The following PVT1 variants were observed in gnomAD, a reference collection of about 807,000 sequenced individuals.
PVT1 encodes the protein CXCR4/PVT1 fusion.
chr8:127,861,282 TCAAA>T (rs1815225322), intron 2 of PVT1, among the ~76,000 whole-genome samples: 1 of 152,174 alleles, frequency 6.6e-6, no homozygotes, highest in Non-Finnish European at 1.5e-5. Context: ...GAGCCACTTC[TCAAA>T]CAGGTCGATG....
At chr8:128,040,418 C>T (rs1040632427) in intron 4 of PVT1, among the ~76,000 whole-genome samples, 4 of 152,214 alleles carry the variant, frequency 2.6e-5, no homozygotes, top group South Asian at 2.1e-4. Context: ...ACTTGCCAGC[C>T]CCCATAATCA....
intron 3 of PVT1, among the ~76,000 whole-genome samples, chr8:127,949,250 A>T (rs1004057215): frequency 6.6e-6 from 1 of 152,118 alleles, no homozygotes; most frequent in African/African-American, 2.4e-5. Context: ...AGCTGTTGTT[A>T]CAATAAGACT....
chr8:127,914,912 A>C (rs1038747053), intron 3 of PVT1, among the ~76,000 whole-genome samples: 3 of 143,520 alleles, frequency 2.1e-5, no homozygotes, highest in African/African-American at 7.9e-5. Flanking sequence ...TGCAACCTCC[A>C]CCTCCTGTGT....
At chr8:127,868,633 A>G (rs979442826) in intron 2 of PVT1, among the ~76,000 whole-genome samples, 1 of 149,964 alleles carries the variant, frequency 6.7e-6, no homozygotes, top group Non-Finnish European at 1.5e-5. Flanking sequence ...CAGGTTATCC[A>G]CCCTCAGATT....
At chr8:127,902,081 A>G (rs555312652) in intron 3 of PVT1, among the ~76,000 whole-genome samples, 2 of 152,188 alleles carry the variant, frequency 1.3e-5, no homozygotes, top group Admixed American at 6.5e-5. Context: ...TTGGTGGTTG[A>G]AAGAGAGCCC....
In PVT1 at chr8:127,815,244, G is replaced by A. The variant is rs147538821; in HGVS notation, n.372+19173G>A. Among the ~76,000 whole-genome samples, 4 of 152,336 alleles carry A rather than the reference G, an allele frequency of 2.6e-5. No homozygotes were observed. In the East Asian group the frequency reaches 7.7e-4, roughly 29 times the overall value. On this transcript the variant is annotated intron_variant and non_coding_transcript_variant, in intron 2 of 10. Transcript: ENST00000651587. ...GGCCTCCCTAAGTGCTGGGATTACA[G>A]GCATGAGCCACCGTGCCCCACCTTA...
At chr8:128,036,778 C>A (rs200787653) in intron 4 of PVT1, among the ~76,000 whole-genome samples, 2 of 152,180 alleles carry the variant, frequency 1.3e-5, no homozygotes, top group East Asian at 3.8e-4. Flanking sequence ...AGGGTTACCG[C>A]ACCTGGGTTT....
chr8:127,897,572 GGAAA>G (rs1055999888), intron 3 of PVT1, among the ~76,000 whole-genome samples: 67 of 128,302 alleles, frequency 5.2e-4, no homozygotes, highest in African/African-American at 1.1e-3. Flanking sequence ...AAAGAAGGAA[GGAAA>G]GAAAGAAAGA....
chr8:128,038,682 G>A (rs890234095), intron 4 of PVT1, among the ~76,000 whole-genome samples: 2 of 152,082 alleles, frequency 1.3e-5, no homozygotes, highest in Admixed American at 6.6e-5. Context: ...CCTTGGGGAC[G>A]GAATCCTCTA....
chr8:127,871,821 G>A (rs879601796), intron 2 of PVT1, among the ~76,000 whole-genome samples: 2 of 152,252 alleles, frequency 1.3e-5, no homozygotes, highest in East Asian at 1.9e-4. Context: ...GAGCGCAGTG[G>A]CTCACGCCTG....
chr8:127,886,528 G>C (rs1197919197), intron 2 of PVT1, among the ~76,000 whole-genome samples: 1 of 151,990 alleles, frequency 6.6e-6, no homozygotes, highest in East Asian at 1.9e-4. Flanking sequence ...CTGTTATTCA[G>C]ATTAAATAAT....
chr8:127,813,230 A>ACAAATATATATAATATATG (rs1003836263), intron 2 of PVT1, among the ~76,000 whole-genome samples: 49 of 145,368 alleles, frequency 3.4e-4, no homozygotes, highest in Non-Finnish European at 6.3e-4. Context: ...TATAATATAT[A>ACAAATATATATAATATATG]CAAATATATA....
At chr8:128,025,681 G>C (rs1311588128) in intron 4 of PVT1, among the ~76,000 whole-genome samples, 8 of 152,168 alleles carry the variant, frequency 5.3e-5, no homozygotes, top group African/African-American at 2.4e-5. Flanking sequence ...TATTTCCAAG[G>C]CTGTTTCTTA....
intron 2 of PVT1, among the ~76,000 whole-genome samples, chr8:127,875,625 G>A (rs1264821233): frequency 6.6e-5 from 10 of 152,108 alleles, no homozygotes; most frequent in Non-Finnish European, 1.2e-4. Context: ...GATATAGCGT[G>A]TACTCCTTTC....
At chr8:127,861,728 A>G (rs953271019) in intron 2 of PVT1, among the ~76,000 whole-genome samples, 1 of 152,146 alleles carries the variant, frequency 6.6e-6, no homozygotes, top group African/African-American at 2.4e-5. Context: ...CCCCTTCTAC[A>G]TGGGGTTGTT....
At chr8:127,856,579 G>A (rs1333565185) in intron 2 of PVT1, among the ~76,000 whole-genome samples, 2 of 152,138 alleles carry the variant, frequency 1.3e-5, no homozygotes, top group African/African-American at 4.8e-5. Context: ...GACCTCAGGT[G>A]ATCCTCCTGC....
rs565255647 is a variant in PVT1, at chr8:128,083,618, G to A, written n.1115-12900G>A. ...TGGGCTTGGGTCTCTCCTGGCAGCCGCCTTTGAAGGCTCTAGACTTATCTG... is the reference window on the plus strand; with the variant it reads ...TGGGCTTGGGTCTCTCCTGGCAGCCACCTTTGAAGGCTCTAGACTTATCTG... On this transcript the variant is annotated intron_variant and non_coding_transcript_variant, in intron 5 of 10. Transcript: ENST00000651587. 2.7e-3 allele frequency among the ~76,000 whole-genome samples: 414 copies of A among 152,318 alleles called. 4 individuals carry two copies. The highest frequency in any genetic ancestry group is 9.3e-3 in the African/African-American group (385 of 41,578).
At position 127,937,560 on chromosome 8, in the gene PVT1, C is replaced by T. The variant is rs1816291212; in HGVS notation, n.782+46562C>T. On this transcript the variant is annotated intron_variant and non_coding_transcript_variant, in intron 3 of 10. Transcript: ENST00000651587. ...CCCTAGGGAAAAAGACACACACACA[C>T]ACACACACACACACACACACAGAGA... Among the ~76,000 whole-genome samples the T allele has an allele frequency of 3.6e-5, 4 of 112,336 alleles. No homozygotes were observed. The South Asian group carries it at 1.3e-3, about 37-fold the overall frequency. 73.7% of individuals were successfully genotyped at this position (112,336 alleles called of 152,430 possible). A position where few individuals can be genotyped will look rare whatever the true frequency, so the allele number is the denominator to read the frequency against.
At chr8:127,843,820 G>A (rs537843630) in intron 2 of PVT1, among the ~76,000 whole-genome samples, 3 of 151,988 alleles carry the variant, frequency 2.0e-5, no homozygotes, top group Non-Finnish European at 1.5e-5. Flanking sequence ...TGTTCACAGG[G>A]AGCTTTGTAC....
Sources: allele counts gnomAD v4.1 joint callset (sites outside exome capture counted in the v4.1 genomes callset), GRCh38; gene constraint gnomAD v4.1.1; transcripts MANE v1.5; gene names NCBI Gene and HGNC (gene_info 2026-07-23, HGNC 2026-07-21).